The following HECW1 variants were observed in gnomAD, a reference collection of about 807,000 sequenced individuals.
The protein encoded by HECW1 is E3 ubiquitin-protein ligase HECW1.
A neutral mutation model predicts 182.3 loss-of-function variants in HECW1; 61 were observed. That is an observed-to-expected ratio of 0.33 (90% CI 0.27 to 0.41). The LOEUF (loss-of-function observed/expected upper bound fraction) is 0.41. Ranked by LOEUF, HECW1 falls within the 10% of genes least tolerant of loss-of-function variation. HECW1 has a pLI of 1.00. For synonymous variants in HECW1, 859 were observed against 832.6 expected (o/e 1.03, Z -0.55); for missense variants, 1,739 against 2,108.9 (o/e 0.82, Z 3.44).
At chr7:43,161,250 T>G (rs908201983) in intron 2 of HECW1, among the ~76,000 whole-genome samples, 1 of 152,012 alleles carries the variant, frequency 6.6e-6, no homozygotes, top group Non-Finnish European at 1.5e-5. Context: ...TTGCTTTGGG[T>G]TTTTTTTAAT....
At chr7:43,488,381 AGGAAGGAAGGAAGGAAGGAAAT>A (rs2078746578) in intron 17 of HECW1, among the ~76,000 whole-genome samples, 2 of 105,878 alleles carry the variant, frequency 1.9e-5, no homozygotes, top group African/African-American at 6.1e-5. Flanking sequence ...GAAGGAAGGA[AGGAAGGAAGGAAGGAAGGAAAT>A]GAAAGAAAGA....
chr7:43,375,600 TA>T (rs1318386354), intron 6 of HECW1, among the ~76,000 whole-genome samples: 1 of 152,054 alleles, frequency 6.6e-6, no homozygotes, highest in Non-Finnish European at 1.5e-5. Context: ...CACTTGTTTT[TA>T]AAAAAGCTCC....
At chr7:43,274,195 G>T in intron 3 of HECW1, 1 of 517,246 alleles carries the variant, frequency 1.9e-6, no homozygotes, top group Non-Finnish European at 3.4e-6. Flanking sequence ...GTACAAGGTG[G>T]TGGTCTCTCT....
At chr7:43,240,258 A>C (rs1341409016) in intron 2 of HECW1, among the ~76,000 whole-genome samples, 1 of 152,160 alleles carries the variant, frequency 6.6e-6, no homozygotes, top group Non-Finnish European at 1.5e-5. Context: ...GAATGGCGTG[A>C]ACCCGGGAGG....
chr7:43,197,283 A>G (rs1240140269), intron 2 of HECW1, among the ~76,000 whole-genome samples: 1 of 152,170 alleles, frequency 6.6e-6, no homozygotes, highest in Admixed American at 6.5e-5. Context: ...GAACTCACTC[A>G]TTAAGTGGAA....
chr7:43,241,752 C>T (rs1211874909), intron 2 of HECW1, among the ~76,000 whole-genome samples: 1 of 151,480 alleles, frequency 6.6e-6, no homozygotes, highest in Non-Finnish European at 1.5e-5. Context: ...GCCCCAGCTC[C>T]CAGAGAATTC....
chr7:43,350,980 C>T (rs1314196669), intron 5 of HECW1, among the ~76,000 whole-genome samples: 2 of 152,190 alleles, frequency 1.3e-5, no homozygotes, highest in African/African-American at 4.8e-5. Context: ...TTTCTGGTTC[C>T]TTTTCATTTG....
intron 5 of HECW1, among the ~76,000 whole-genome samples, chr7:43,338,980 T>C (rs527237609): frequency 1.3e-4 from 20 of 152,208 alleles, no homozygotes; most frequent in Non-Finnish European, 2.9e-4. Context: ...AAGTTAGGTG[T>C]TTTTCTCTTT....
intron 26 of HECW1, among the ~76,000 whole-genome samples, chr7:43,547,634 G>T (rs2081615819): frequency 6.6e-6 from 1 of 152,058 alleles, no homozygotes; most frequent in Non-Finnish European, 1.5e-5. Flanking sequence ...TGGCATAGCT[G>T]CAGTGATGGC....
At chr7:43,237,923 C>G (rs1375635097) in intron 2 of HECW1, among the ~76,000 whole-genome samples, 1 of 151,634 alleles carries the variant, frequency 6.6e-6, no homozygotes, top group Non-Finnish European at 1.5e-5. Context: ...AAATGAGATA[C>G]TGAAGCCGAT....
At chr7:43,226,269 G>A (rs1797418692) in intron 2 of HECW1, among the ~76,000 whole-genome samples, 1 of 152,150 alleles carries the variant, frequency 6.6e-6, no homozygotes, top group Non-Finnish European at 1.5e-5. Flanking sequence ...CTCTAGCCTT[G>A]ACTCTGTCCT....
chr7:43,302,956 C>T (rs1807041816), intron 3 of HECW1, among the ~76,000 whole-genome samples: 1 of 150,414 alleles, frequency 6.6e-6, no homozygotes, highest in South Asian at 2.1e-4. Context: ...CACATGCGCG[C>T]ACACACACAC....
intron 2 of HECW1, among the ~76,000 whole-genome samples, chr7:43,178,538 GTAAAGC>G (rs1202295149): frequency 6.6e-6 from 1 of 152,224 alleles, no homozygotes; most frequent in Non-Finnish European, 1.5e-5. Context: ...ACAGCTTTCT[GTAAAGC>G]TGCTGCTTTC....
Position 43,171,938 on chromosome 7 carries a change from A to G in HECW1, c.-32+57547A>G, listed in dbSNP as rs532068167. 2.0e-5 allele frequency among the ~76,000 whole-genome samples: 3 copies of G among 152,250 alleles called. No homozygotes were observed. In the South Asian group the frequency reaches 6.2e-4, roughly 32 times the overall value. ...AGCTGAATCTTCAAGCAGATAAAAG[A>G]TTTTTACAGTTGCTCAGTGTTATGT... On this transcript the variant is annotated intron_variant, in intron 2 of 29. Coordinates refer to ENST00000395891, the MANE Select transcript of HECW1 (RefSeq NM_015052.5).
chr7:43,497,015 G>GT (rs1232755615), intron 19 of HECW1, among the ~76,000 whole-genome samples: 1 of 152,090 alleles, frequency 6.6e-6, no homozygotes, highest in Non-Finnish European at 1.5e-5. Context: ...CTTGGGGTTT[G>GT]TTTTTTTAAG....
At chr7:43,325,834 A>G (rs1282278531) in intron 5 of HECW1, among the ~76,000 whole-genome samples, 1 of 152,014 alleles carries the variant, frequency 6.6e-6, no homozygotes, top group African/African-American at 2.4e-5. Context: ...GGCTGGATGC[A>G]CACCCAGATT....
rs373739510 is a variant in HECW1, at chr7:43,315,023, G to A, written c.352+2936G>A. Among the ~76,000 whole-genome samples the A allele has an allele frequency of 3.2e-4, 49 of 152,300 alleles. No individual in the cohort carries two copies. In the East Asian group the frequency reaches 8.1e-3, roughly 25 times the overall value. ...GGTGCAGTGTTGGGTATGGGCCATG[G>A]CACATCCGTGTGCCATCAAATGTCC... is the stretch of plus-strand genomic sequence containing the variant. On this transcript the variant is annotated intron_variant, in intron 4 of 29. Coordinates refer to ENST00000395891, the MANE Select transcript of HECW1 (RefSeq NM_015052.5).
At chr7:43,148,398 C>G (rs765934966) in intron 2 of HECW1, among the ~76,000 whole-genome samples, 14 of 151,836 alleles carry the variant, frequency 9.2e-5, no homozygotes, top group Non-Finnish European at 1.8e-4. Context: ...TGGCTGCAGT[C>G]CCTCCTGGAA....
intron 2 of HECW1, among the ~76,000 whole-genome samples, chr7:43,195,433 C>T (rs370048029): frequency 1.3e-5 from 2 of 152,286 alleles, no homozygotes; most frequent in East Asian, 3.9e-4. Context: ...GGAAGTTGCC[C>T]ACACAGCCAC....
Sources: gnomAD v4.1 joint callset for allele counts (sites outside exome capture counted in the v4.1 genomes callset) on GRCh38, gnomAD v4.1.1 for gene constraint, MANE v1.5 for transcripts, NCBI Gene and HGNC (gene_info 2026-07-23, HGNC 2026-07-21) for gene names.